The following DAPK1 variants were observed in gnomAD, a reference collection of about 807,000 sequenced individuals.
The protein encoded by DAPK1 is death associated protein kinase 1, also known as death-associated protein kinase 1.
DAPK1 carries 56 observed loss-of-function variants against 144.9 expected under a neutral mutation model. The observed-to-expected ratio is 0.39, with a 90% CI of 0.31 to 0.48. The LOEUF (loss-of-function observed/expected upper bound fraction) is 0.48, where lower values mean the gene tolerates loss of function less well. Ranked by LOEUF, DAPK1 falls within the 20% of genes least tolerant of loss-of-function variation. The probability of loss-of-function intolerance (pLI) is 0.95; values close to 1 mark genes in which losing one functional copy is unlikely to be tolerated. For missense variants in DAPK1, 1,454 were observed against 1,875.4 expected (o/e 0.78, Z 4.15); for synonymous variants, 690 against 749.0 (o/e 0.92, Z 1.29).
At chr9:87,549,343 A>G (rs1024690391) in intron 2 of DAPK1, among the ~76,000 whole-genome samples, 18 of 152,136 alleles carry the variant, frequency 1.2e-4, no homozygotes, top group Non-Finnish European at 1.9e-4. Context: ...TCTATCATTG[A>G]TGGGCATTTG....
At chr9:87,534,250 T>C (rs573052924) in intron 2 of DAPK1, among the ~76,000 whole-genome samples, 99 of 31,166 alleles carry the variant, frequency 3.2e-3, no homozygotes, top group South Asian at 4.3e-3. Flanking sequence ...TTGACAGTTT[T>C]TTTTTTTGTT....
At chr9:87,509,651 C>T (rs1322627523) in intron 2 of DAPK1, among the ~76,000 whole-genome samples, 3 of 152,200 alleles carry the variant, frequency 2.0e-5, no homozygotes, top group Non-Finnish European at 2.9e-5. Flanking sequence ...TGAGCCACCG[C>T]GCCCGGCCAT....
At chr9:87,701,366 T>C (rs1825445420) in intron 24 of DAPK1, among the ~76,000 whole-genome samples, 2 of 152,146 alleles carry the variant, frequency 1.3e-5, no homozygotes, top group African/African-American at 4.8e-5. Flanking sequence ...ATTTTCAAAA[T>C]AACTAGGGAC....
At chr9:87,701,867 T>C (rs772086791) in intron 24 of DAPK1, 5 of 470,536 alleles carry the variant, frequency 1.1e-5, no homozygotes, top group South Asian at 6.2e-5. Context: ...GATATCCTCG[T>C]TGGGGTCCCA....
chr9:87,557,203 A>G (rs1334374622), intron 2 of DAPK1, among the ~76,000 whole-genome samples: 1 of 152,138 alleles, frequency 6.6e-6, no homozygotes, highest in African/African-American at 2.4e-5. Context: ...GTTCAAAGCA[A>G]GTGTTACCTG....
At chr9:87,593,392 T>C (rs868198762) in intron 2 of DAPK1, among the ~76,000 whole-genome samples, 16 of 152,234 alleles carry the variant, frequency 1.1e-4, no homozygotes, top group South Asian at 2.1e-4. Flanking sequence ...TTGACTTAAA[T>C]CAAGAGGAGA....
chr9:87,625,524 A>G (rs999043579), intron 3 of DAPK1, among the ~76,000 whole-genome samples: 1 of 152,248 alleles, frequency 6.6e-6, no homozygotes, highest in Non-Finnish European at 1.5e-5. Context: ...TGATGGGCTC[A>G]GGCGATCATC....
intron 3 of DAPK1, among the ~76,000 whole-genome samples, chr9:87,617,749 C>G (rs151313861): frequency 6.6e-6 from 1 of 152,204 alleles, no homozygotes; most frequent in African/African-American, 2.4e-5. Context: ...TCTCCAGTGG[C>G]CTACTCGACA....
At chr9:87,542,637 C>T (rs991277600) in intron 2 of DAPK1, among the ~76,000 whole-genome samples, 2 of 152,184 alleles carry the variant, frequency 1.3e-5, no homozygotes, top group Admixed American at 1.3e-4. Context: ...GAAGGCTCAC[C>T]AAACCCTCTG....
intron 2 of DAPK1, among the ~76,000 whole-genome samples, chr9:87,560,306 A>G (rs1826865024): frequency 2.0e-5 from 3 of 152,072 alleles, no homozygotes; most frequent in African/African-American, 7.2e-5. Flanking sequence ...TGCCCTTGGA[A>G]CTTTAAAATT....
intron 3 of DAPK1, among the ~76,000 whole-genome samples, chr9:87,615,803 G>T (rs1334995379): frequency 1.3e-5 from 2 of 152,228 alleles, no homozygotes; most frequent in African/African-American, 4.8e-5. Flanking sequence ...AAGGAACGCT[G>T]TGCCCCCTCT....
chr9:87,659,107 G>T (rs1323135685), intron 18 of DAPK1, among the ~76,000 whole-genome samples: 1 of 152,254 alleles, frequency 6.6e-6, no homozygotes, highest in African/African-American at 2.4e-5. Flanking sequence ...ACACCTACTT[G>T]CCTGGCCCTT....
At chr9:87,546,348 A>G (rs1826250340) in intron 2 of DAPK1, among the ~76,000 whole-genome samples, 1 of 152,114 alleles carries the variant, frequency 6.6e-6, no homozygotes, top group Non-Finnish European at 1.5e-5. Context: ...AGGAATGGAC[A>G]GGATTTAGGG....
At chr9:87,673,707 G>A (rs1038680359) in intron 19 of DAPK1, among the ~76,000 whole-genome samples, 5 of 152,266 alleles carry the variant, frequency 3.3e-5, no homozygotes, top group Non-Finnish European at 7.4e-5. Context: ...CCTGAGCGCC[G>A]AGCTTGTTTT....
At chr9:87,627,752 T>A (rs1829539369) in intron 3 of DAPK1, among the ~76,000 whole-genome samples, 1 of 152,146 alleles carries the variant, frequency 6.6e-6, no homozygotes, top group Admixed American at 6.5e-5. Context: ...GAGGTCCACA[T>A]CAGAATCCCA....
intron 3 of DAPK1, among the ~76,000 whole-genome samples, chr9:87,629,844 C>A (rs1005863239): frequency 9.2e-5 from 14 of 152,190 alleles, no homozygotes; most frequent in Non-Finnish European, 1.6e-4. Context: ...ATCCCCCTTC[C>A]CTTGGATCTG....
At chr9:87,678,546 G>A (rs1824491261) in intron 19 of DAPK1, among the ~76,000 whole-genome samples, 1 of 152,222 alleles carries the variant, frequency 6.6e-6, no homozygotes, top group Non-Finnish European at 1.5e-5. Flanking sequence ...AAGGAAAAAA[G>A]CAAAGTGTAG....
At chr9:87,592,711 C>T (rs36206051) in intron 2 of DAPK1, among the ~76,000 whole-genome samples, 8,185 of 152,158 alleles carry the variant, frequency 0.054, 256 homozygotes, top group African/African-American at 0.082. Context: ...AGGTCAGCCT[C>T]GTGGCTGACT....
rs576353667 is a variant in DAPK1 at position 87,544,058 on chromosome 9, T to C, written c.62+44919T>C. Among the ~76,000 whole-genome samples the C allele has an allele frequency of 7.0e-4, 106 of 152,314 alleles. 1 individual carries two copies. The highest frequency in any genetic ancestry group is 1.3e-3 in the Non-Finnish European group (90 of 68,014). ...GAAGAGGAACACACATGAATAAGTA[T>C]ATAAATATGTTAGCTTAACTTTAAC... On this transcript the variant is annotated intron_variant, in intron 2 of 25. Transcript: ENST00000408954.
Sources: allele counts gnomAD v4.1 joint callset (sites outside exome capture counted in the v4.1 genomes callset), GRCh38; gene constraint gnomAD v4.1.1; transcripts MANE v1.5; gene names NCBI Gene and HGNC (gene_info 2026-07-23, HGNC 2026-07-21).